The following SHISA9 variants were observed in gnomAD, a reference collection of about 807,000 sequenced individuals.
SHISA9 encodes shisa family member 9.
A neutral mutation model predicts 38.0 loss-of-function variants in SHISA9; 13 were observed. The ratio of observed to expected loss-of-function variants is 0.34; its 90% CI spans 0.22 to 0.54. SHISA9 has a LOEUF of 0.54. SHISA9 is among the 20% of genes least tolerant of loss of function. The pLI is 0.91. For synonymous variants in SHISA9, 275 were observed against 242.0 expected (o/e 1.14, Z -1.27); for missense variants, 538 against 575.8 (o/e 0.93, Z 0.67).
At chr16:12,978,923 C>T (rs2072203102) in intron 2 of SHISA9, among the ~76,000 whole-genome samples, 1 of 152,136 alleles carries the variant, frequency 6.6e-6, no homozygotes. Context: ...TTAAAATTTT[C>T]TGTATCTGGA....
intron 2 of SHISA9, among the ~76,000 whole-genome samples, chr16:13,076,028 GA>G (rs1281092547): frequency 1.4e-5 from 2 of 147,502 alleles, no homozygotes; most frequent in African/African-American, 2.5e-5. Context: ...TTGAGAAATA[GA>G]TTTTTTTTTT....
intron 2 of SHISA9, among the ~76,000 whole-genome samples, chr16:13,106,405 G>C (rs1447519149): frequency 6.6e-6 from 1 of 152,128 alleles, no homozygotes; most frequent in East Asian, 1.9e-4. Context: ...GGGTGACTCA[G>C]TTAAAGCTTT....
chr16:13,076,610 G>GT (rs1282424927), intron 2 of SHISA9, among the ~76,000 whole-genome samples: 2 of 152,176 alleles, frequency 1.3e-5, no homozygotes, highest in African/African-American at 4.8e-5. Context: ...GTAAAGCTAA[G>GT]TTTTGCAGAC....
the SHISA9 span, among the ~76,000 whole-genome samples, chr16:13,263,823 T>C: frequency 2.3e-3 from 344 of 152,308 alleles, 2 homozygotes; most frequent in African/African-American, 7.6e-3. Flanking sequence ...GATAGGTACA[T>C]GAGACCTGTC....
chr16:13,062,242 G>A (rs369438258), intron 2 of SHISA9, among the ~76,000 whole-genome samples: 1 of 152,074 alleles, frequency 6.6e-6, no homozygotes, highest in East Asian at 1.9e-4. Context: ...TGGGAGTCCT[G>A]TGTCTCTAGT....
intron 2 of SHISA9, among the ~76,000 whole-genome samples, chr16:13,066,064 T>A (rs186137144): frequency 5.3e-5 from 8 of 152,294 alleles, no homozygotes; most frequent in Admixed American, 4.6e-4. Flanking sequence ...GCCCCCACAT[T>A]TTTTCTCCAT....
chr16:13,539,307 T>C, the SHISA9 span, among the ~76,000 whole-genome samples: 1 of 52,646 alleles, frequency 1.9e-5, no homozygotes, highest in Non-Finnish European at 4.2e-5. Flanking sequence ...ATTTTACATA[T>C]ATATATATAT....
the SHISA9 span, among the ~76,000 whole-genome samples, chr16:13,319,536 G>T: frequency 6.6e-6 from 1 of 152,072 alleles, no homozygotes; most frequent in South Asian, 2.1e-4. Flanking sequence ...ATTTGAAATG[G>T]TACCTCCAAG....
the SHISA9 span, among the ~76,000 whole-genome samples, chr16:13,289,521 G>A: frequency 6.6e-6 from 1 of 151,256 alleles, no homozygotes; most frequent in African/African-American, 2.4e-5. Context: ...TAAGCAAAAA[G>A]CAAACAAACA....
chr16:12,970,416 TAC>T (rs59203908), intron 2 of SHISA9, among the ~76,000 whole-genome samples: 22,054 of 40,120 alleles, frequency 0.55, 5,720 homozygotes, highest in South Asian at 0.62. Flanking sequence ...TATATATATA[TAC>T]ACATATATGT....
chr16:13,426,463 G>A, the SHISA9 span, among the ~76,000 whole-genome samples: 2 of 152,116 alleles, frequency 1.3e-5, no homozygotes, highest in East Asian at 3.9e-4. Context: ...AGCCCCCACT[G>A]GGAGGCACTG....
chr16:13,260,030 T>TTG, the SHISA9 span, among the ~76,000 whole-genome samples: 1 of 132,470 alleles, frequency 7.5e-6, no homozygotes, highest in Non-Finnish European at 1.6e-5. Flanking sequence ...TTTTTTTTTT[T>TTG]TTTTGAGACA....
Position 13,239,005 on chromosome 16 carries a change from T to C in SHISA9, c.*3596T>C, listed in dbSNP as rs956546824. 1.1e-5 allele frequency: 1 copy of C among 95,100 alleles called. No individual in the cohort carries two copies. The highest frequency in any genetic ancestry group is 4.2e-5 in the African/African-American group (1 of 24,052). 5.9% of individuals were successfully genotyped at this position (95,100 alleles called of 1,614,324 possible). A position where few individuals can be genotyped will look rare whatever the true frequency, so the allele number is the denominator to read the frequency against. On this transcript the variant is annotated 3_prime_UTR_variant, in exon 5 of 5. Coordinates refer to ENST00000558583, the MANE Select transcript of SHISA9 (RefSeq NM_001145204.3). The stretch of plus-strand genomic sequence containing the variant: ...CCCCCCTCCCCCCACCCCACAACAG[T>C]CCCCAGAGTGTGATGTTCCCCTTCT...
At chr16:13,530,678 C>G in the SHISA9 span, among the ~76,000 whole-genome samples, 11 of 152,186 alleles carry the variant, frequency 7.2e-5, no homozygotes, top group East Asian at 3.9e-4. Context: ...TTTTGCCCCC[C>G]CAGAACCACT....
At chr16:13,487,333 A>C in the SHISA9 span, among the ~76,000 whole-genome samples, 1 of 152,276 alleles carries the variant, frequency 6.6e-6, no homozygotes, top group African/African-American at 2.4e-5. Context: ...TAATTGGCTC[A>C]CAGTTCTGTA....
At chr16:13,450,006 A>G in the SHISA9 span, among the ~76,000 whole-genome samples, 1 of 152,072 alleles carries the variant, frequency 6.6e-6, no homozygotes, top group Admixed American at 6.5e-5. Context: ...AGTCCCAGCT[A>G]CTCGGGAGGC....
the SHISA9 span, among the ~76,000 whole-genome samples, chr16:13,498,956 T>A: frequency 2.6e-5 from 4 of 152,144 alleles, no homozygotes; most frequent in African/African-American, 9.7e-5. Flanking sequence ...TTGGAAAGAA[T>A]CTGCCTTCTT....
chr16:13,063,802 C>G (rs575910401), intron 2 of SHISA9, among the ~76,000 whole-genome samples: 3 of 152,154 alleles, frequency 2.0e-5, no homozygotes, highest in Non-Finnish European at 4.4e-5. Flanking sequence ...GAGTATGACC[C>G]TATGCGGCCC....
At chr16:13,512,755 G>T in the SHISA9 span, among the ~76,000 whole-genome samples, 1 of 152,106 alleles carries the variant, frequency 6.6e-6, no homozygotes, top group African/African-American at 2.4e-5. Flanking sequence ...ACAAGCAATG[G>T]GAAAAGGATT....
Sources: gnomAD v4.1 joint callset for allele counts (sites outside exome capture counted in the v4.1 genomes callset) on GRCh38, gnomAD v4.1.1 for gene constraint, MANE v1.5 for transcripts, NCBI Gene and HGNC (gene_info 2026-07-23, HGNC 2026-07-21) for gene names.